The following ARF1 variants were observed in gnomAD, a reference collection of about 807,000 sequenced individuals.
ARF1 encodes ARF GTPase 1, also known as ADP-ribosylation factor 1.
A neutral mutation model predicts 18.0 loss-of-function variants in ARF1; 1 was observed. The ratio of observed to expected loss-of-function variants is 0.06; its 90% CI spans 0.02 to 0.26. ARF1 has a LOEUF of 0.26. ARF1 is among the 10% of genes least tolerant of loss of function. The pLI, the probability that ARF1 is intolerant of heterozygous loss-of-function variation, is 1.00. For missense variants in ARF1, 73 were observed against 247.2 expected (o/e 0.30, Z 4.73); for synonymous variants, 112 against 96.3 (o/e 1.16, Z -0.95).
intron 1 of ARF1, chr1:228,096,393 C>T (rs144506745): frequency 1.3e-5 from 2 of 152,296 alleles, no homozygotes; most frequent in African/African-American, 2.4e-5. Context: ...TCACCTGATT[C>T]GTGAAATTGC....
chr1:228,085,300 C>A (rs966050976), intron 1 of ARF1, among the ~76,000 whole-genome samples: 4 of 152,268 alleles, frequency 2.6e-5, no homozygotes, highest in African/African-American at 7.2e-5. Context: ...GTGATTGTTA[C>A]AAGCTCTCTA....
Position 228,099,091 on chromosome 1 carries a change from C to T in ARF1, c.*1078C>T, listed in dbSNP as rs1571847022. 6.6e-6 allele frequency: 1 copy of T among 152,668 alleles called. No individual in the cohort carries two copies. The highest frequency in any genetic ancestry group is 1.5e-5 in the Non-Finnish European group (1 of 68,036). The allele number at this position is 152,668 out of a possible 1,614,324, so 9.5% of individuals were successfully genotyped here. ...AACTGGTCTATTTGGTGTCGTGGAA[C>T]CTCTTACTGCTTTCAATACACGATT... is the stretch of plus-strand genomic sequence containing the variant. On this transcript the variant is annotated 3_prime_UTR_variant, in exon 5 of 5. Transcript: ENST00000272102.
chr1:228,095,058 C>T (rs2032697680), intron 1 of ARF1, among the ~76,000 whole-genome samples: 1 of 152,200 alleles, frequency 6.6e-6, no homozygotes, highest in African/African-American at 2.4e-5. Context: ...TACTCCTCAT[C>T]TTCCTTTTTC....
At chr1:228,095,454 C>T (rs775766255) in intron 1 of ARF1, among the ~76,000 whole-genome samples, 11 of 152,214 alleles carry the variant, frequency 7.2e-5, no homozygotes, top group Non-Finnish European at 1.5e-4. Context: ...AACCCTTAGG[C>T]CGCATGTGGC....
intron 1 of ARF1, among the ~76,000 whole-genome samples, chr1:228,092,841 G>T (rs1043685377): frequency 7.9e-5 from 12 of 152,204 alleles, no homozygotes; most frequent in African/African-American, 2.4e-4. Flanking sequence ...ACACAAAACG[G>T]ATGTGAACTC....
chr1:228,090,228 G>C (rs1342649138), intron 1 of ARF1, among the ~76,000 whole-genome samples: 2 of 152,202 alleles, frequency 1.3e-5, no homozygotes, highest in African/African-American at 4.8e-5. Flanking sequence ...CCCTCAAGTT[G>C]GAAGAGCCCT....
intron 1 of ARF1, among the ~76,000 whole-genome samples, chr1:228,094,416 C>T (rs1313929415): frequency 1.6e-4 from 24 of 152,164 alleles, no homozygotes; most frequent in Admixed American, 1.5e-3. Flanking sequence ...ATATGTTTTC[C>T]TGGAGTAACT....
In ARF1 at chr1:228,097,273, G is replaced by A. The variant is rs1352760965; in HGVS notation, c.148+11G>A. On this transcript the variant is annotated intron_variant, in intron 2 of 4. Coordinates refer to ENST00000272102, the MANE Select transcript of ARF1 (RefSeq NM_001658.4). This position sits in a 1 kb window ranked among gnomAD's most constrained non-coding sequence, Gnocchi z 8.1. ...CCATTCCCACCATAGGTGAGGTGGG[G>A]GCCAGCAGGGAGTGGGCTGGGCTGG... The A allele has an allele frequency of 1.9e-6, 3 of 1,609,442 alleles. No individual in the cohort carries two copies. The highest frequency in any genetic ancestry group is 2.7e-5 in the African/African-American group (2 of 74,864).
chr1:228,084,116 G>A (rs1413695200), intron 1 of ARF1, among the ~76,000 whole-genome samples: 3 of 152,222 alleles, frequency 2.0e-5, no homozygotes, highest in African/African-American at 2.4e-5. Flanking sequence ...TGCGGCCCCT[G>A]TGGCCCTCTG....
intron 1 of ARF1, among the ~76,000 whole-genome samples, chr1:228,084,272 T>C (rs1176608275): frequency 1.3e-5 from 2 of 152,226 alleles, no homozygotes; most frequent in African/African-American, 4.8e-5. Context: ...TTGAGAAGAA[T>C]TGAGTAGTGT....
intron 1 of ARF1, among the ~76,000 whole-genome samples, chr1:228,095,587 A>T (rs924511265): frequency 3.0e-4 from 45 of 152,146 alleles, no homozygotes; most frequent in African/African-American, 1.1e-3. Flanking sequence ...GGTCCAAGAC[A>T]ATTCTTCTTC....
At chr1:228,087,658 C>T (rs755855614) in intron 1 of ARF1, among the ~76,000 whole-genome samples, 1 of 152,104 alleles carries the variant, frequency 6.6e-6, no homozygotes, top group Non-Finnish European at 1.5e-5. Flanking sequence ...AAAATTTATA[C>T]CTACTCATCA....
chr1:228,083,389 G>A (rs2032284559), intron 1 of ARF1: 1 of 152,406 alleles, frequency 6.6e-6, no homozygotes, highest in Non-Finnish European at 1.5e-5. Flanking sequence ...CGGGTCAGGG[G>A]TGGTGAGAGC....
At chr1:228,094,655 T>C (rs1402968268) in intron 1 of ARF1, among the ~76,000 whole-genome samples, 2 of 152,114 alleles carry the variant, frequency 1.3e-5, no homozygotes, top group Non-Finnish European at 2.9e-5. Context: ...CTCTCCACGT[T>C]GCTGTGGGCT....
intron 1 of ARF1, chr1:228,088,407 CTG>C (rs998489518): frequency 2.6e-5 from 4 of 152,090 alleles, no homozygotes; most frequent in African/African-American, 9.7e-5. Context: ...ATTTGGTAAT[CTG>C]TGGTGGCATT....
At chr1:228,094,276 T>C (rs1478619934) in intron 1 of ARF1, among the ~76,000 whole-genome samples, 2 of 152,150 alleles carry the variant, frequency 1.3e-5, no homozygotes, top group African/African-American at 2.4e-5. Context: ...GCTGACTTGG[T>C]GTCCTAGGTT....
intron 1 of ARF1, among the ~76,000 whole-genome samples, chr1:228,091,965 A>G (rs1344551353): frequency 1.3e-5 from 2 of 152,150 alleles, no homozygotes; most frequent in Non-Finnish European, 2.9e-5. Context: ...TCTACACTAT[A>G]TGTATGACTG....
intron 1 of ARF1, among the ~76,000 whole-genome samples, chr1:228,083,865 A>G (rs577969843): frequency 1.3e-5 from 2 of 152,336 alleles, no homozygotes; most frequent in East Asian, 1.9e-4. Context: ...TTGAGCAGAA[A>G]TGCACTCGGA....
chr1:228,098,126 G>A lies in ARF1; in HGVS notation c.*113G>A. On this transcript the variant is annotated 3_prime_UTR_variant, in exon 5 of 5. Transcript: ENST00000272102. ...TGCCTCCGTGGTTTGGTCACCGTGTGCATCGCACCGTGCTGTAAATGTGGC... is the reference window on the plus strand; with the variant it reads ...TGCCTCCGTGGTTTGGTCACCGTGTACATCGCACCGTGCTGTAAATGTGGC... 4.6e-6 allele frequency: 6 copies of A among 1,299,734 alleles called. No individual in the cohort carries two copies. In the South Asian group the frequency reaches 7.7e-5, roughly 17 times the overall value. The allele number at this position is 1,299,734 out of a possible 1,614,324, so 80.5% of individuals were successfully genotyped here.
Sources: gnomAD v4.1 joint callset for allele counts (sites outside exome capture counted in the v4.1 genomes callset) on GRCh38, gnomAD v4.1.1 for gene constraint, Gnocchi (gnomAD v3.1) non-coding constraint, MANE v1.5 for transcripts, NCBI Gene and HGNC (gene_info 2026-07-23, HGNC 2026-07-21) for gene names.